Variants in CCDC150 observed in about 807,000 individuals in gnomAD.
CCDC150 encodes coiled-coil domain containing 150.
Under a neutral mutation model 156.5 loss-of-function variants are expected in CCDC150, and 151 were observed. That is an observed-to-expected ratio of 0.97 (90% CI 0.85 to 1.10). The LOEUF is 1.10. Among genes scored for constraint, CCDC150 ranks in the 50% least tolerant of loss-of-function variants. The pLI, the probability that CCDC150 is intolerant of heterozygous loss-of-function variation, is 0.00. For synonymous variants in CCDC150, 452 were observed against 429.4 expected (o/e 1.05, Z -0.65); for missense variants, 1,312 against 1,268.1 (o/e 1.03, Z -0.53).
chr2:196,654,956 C>T (rs899801522), intron 2 of CCDC150, among the ~76,000 whole-genome samples: 3 of 151,962 alleles, frequency 2.0e-5, no homozygotes, highest in Non-Finnish European at 4.4e-5. Context: ...TTTTGGTGGC[C>T]CCAGAAGGTT....
intron 15 of CCDC150, among the ~76,000 whole-genome samples, chr2:196,706,552 G>T (rs1478695372): frequency 6.6e-6 from 1 of 152,150 alleles, no homozygotes. Context: ...ATACTATGTT[G>T]AATAGGAGTG....
Position 196,656,846 on chromosome 2 carries a change from G to A in CCDC150, c.390G>A (p.Gln130=). ...AAACTGAAAAGGATTTGAATCCTCA[G>A]AAAACAGGTATAGAGATAAGAATCA... ...RLQTEKDLNP[Q]KTAFLKDRLN... is the part of the protein sequence containing the mutation. The change falls in exon 3 of 28, where the codon CAG becomes CAA. Residue 130 remains glutamine, a synonymous_variant. Coordinates refer to ENST00000389175, the MANE Select transcript of CCDC150 (RefSeq NM_001080539.2). 6.2e-7 allele frequency: 1 copy of A among 1,613,752 alleles called. No individual in the cohort carries two copies. Among genetic ancestry groups the A allele is most frequent in the Non-Finnish European group, 8.5e-7 (1 of 1,179,726 alleles).
intron 18 of CCDC150, 42 bp downstream of exon 18, chr2:196,718,673 A>G (rs1342715932): frequency 6.2e-7 from 1 of 1,603,930 alleles, no homozygotes; most frequent in Non-Finnish European, 8.5e-7. Flanking sequence ...ACTGAGAAGA[A>G]GCACTTATGA....
intron 14 of CCDC150, among the ~76,000 whole-genome samples, chr2:196,699,545 G>T (rs1396368357): frequency 6.6e-6 from 1 of 151,652 alleles, no homozygotes; most frequent in African/African-American, 2.4e-5. Flanking sequence ...TTGAAATGGG[G>T]GTCTTGCTCT....
chr2:196,691,442 G>C (rs1385243498), intron 13 of CCDC150, among the ~76,000 whole-genome samples: 4 of 152,116 alleles, frequency 2.6e-5, no homozygotes, highest in Non-Finnish European at 5.9e-5. Flanking sequence ...TCTTGGGAGG[G>C]TGTATATATC....
At chr2:196,720,135 T>C (rs1697793015) in intron 19 of CCDC150, 2 of 402,238 alleles carry the variant, frequency 5.0e-6, no homozygotes, top group Non-Finnish European at 1.0e-5. Flanking sequence ...TAAATTCCTT[T>C]ATAGAATGTT....
At chr2:196,642,854 G>A (rs1367593763) in intron 1 of CCDC150, among the ~76,000 whole-genome samples, 5 of 151,980 alleles carry the variant, frequency 3.3e-5, no homozygotes, top group African/African-American at 4.8e-5. Flanking sequence ...ATCCTCCTGC[G>A]TCAGCCTCCC....
intron 6 of CCDC150, 148 bp downstream of exon 6, chr2:196,665,831 C>T (rs1693812063): frequency 2.0e-6 from 1 of 504,280 alleles, no homozygotes; most frequent in Non-Finnish European, 3.5e-6. Context: ...AATCTTACTA[C>T]AGTTTTTTTT....
At chr2:196,697,307 T>G (rs1401580098) in intron 14 of CCDC150, among the ~76,000 whole-genome samples, 1 of 152,132 alleles carries the variant, frequency 6.6e-6, no homozygotes, top group Non-Finnish European at 1.5e-5. Context: ...GGGTTTTTTT[T>G]GTTGTTGTTG....
intron 2 of CCDC150, among the ~76,000 whole-genome samples, chr2:196,648,747 T>C (rs1692693174): frequency 6.6e-6 from 1 of 152,338 alleles, no homozygotes; most frequent in East Asian, 1.9e-4. Context: ...TCGTGTTTTC[T>C]TCTAGTAGTT....
intron 6 of CCDC150, 68 bp downstream of exon 6, chr2:196,665,751 TAAACTTA>T (rs1693808844): frequency 1.1e-6 from 1 of 890,232 alleles, no homozygotes; most frequent in African/African-American, 1.7e-5. Context: ...ATTTTACCTA[TAAACTTA>T]AAATTTTACT....
In CCDC150 at chr2:196,669,265, C is replaced by T. The variant is rs141343761; in HGVS notation, c.893-568C>T. On this transcript the variant is annotated intron_variant, in intron 7 of 27. Transcript: ENST00000389175. ...ACTTGTGTTTCACTCATTCTATCCC[C>T]GAAACCTGCTCCATGCTGTGTATTC... is the stretch of plus-strand genomic sequence containing the variant. Among the ~76,000 whole-genome samples the T allele has an allele frequency of 5.3e-3, 809 of 152,262 alleles. 4 individuals carry two copies. Among genetic ancestry groups the T allele is most frequent in the Non-Finnish European group, 9.6e-3 (655 of 68,012 alleles).
At chr2:196,710,811 A>G (rs1234260078) in intron 15 of CCDC150, among the ~76,000 whole-genome samples, 1 of 152,202 alleles carries the variant, frequency 6.6e-6, no homozygotes, top group Admixed American at 6.5e-5. Flanking sequence ...TAACTGTAGG[A>G]TAGAAGGAGA....
chr2:196,683,985 A>G (rs966993637), intron 13 of CCDC150, among the ~76,000 whole-genome samples: 6 of 151,960 alleles, frequency 3.9e-5, no homozygotes, highest in African/African-American at 1.2e-4. Flanking sequence ...ATTTTTCTCT[A>G]TCTTATTTCT....
At chr2:196,652,349 A>C (rs1692937201) in intron 2 of CCDC150, among the ~76,000 whole-genome samples, 1 of 152,246 alleles carries the variant, frequency 6.6e-6, no homozygotes, top group Admixed American at 6.5e-5. Context: ...TTTACTTCCA[A>C]GATACAATGT....
chr2:196,691,448 A>G (rs1054610216), intron 13 of CCDC150, among the ~76,000 whole-genome samples: 22 of 152,228 alleles, frequency 1.4e-4, no homozygotes, highest in African/African-American at 5.3e-4. Context: ...GAGGGTGTAT[A>G]TATCTAGGAA....
intron 8 of CCDC150, 56 bp from the exon 9 acceptor site, chr2:196,672,289 G>A (rs959391811): frequency 2.5e-6 from 2 of 784,766 alleles, no homozygotes; most frequent in South Asian, 5.4e-5. Context: ...TATTTTTATA[G>A]GGGTGCACAT....
chr2:196,666,841 T>G lies in CCDC150; in HGVS notation c.885T>G (p.Ser295=). ...AGATTGCTACTTCACAGCTCAAATC[T>G]GATCTAAGTATGAAAATAGATGCTA... ...ELEIATSQLK[S]DLTSRDDLIS... is the part of the protein sequence containing the mutation. The change falls in exon 7 of 28, where the codon TCT becomes TCG. Residue 295 remains serine, a synonymous_variant. Coordinates refer to ENST00000389175, the MANE Select transcript of CCDC150 (RefSeq NM_001080539.2). The G allele has an allele frequency of 6.2e-7, 1 of 1,613,534 alleles. No homozygotes were observed. Among genetic ancestry groups the G allele is most frequent in the Non-Finnish European group, 8.5e-7 (1 of 1,179,678 alleles).
At chr2:196,678,831 C>T (rs527586154) in intron 13 of CCDC150, among the ~76,000 whole-genome samples, 59 of 152,186 alleles carry the variant, frequency 3.9e-4, no homozygotes, top group African/African-American at 1.4e-3. Flanking sequence ...GCTTGAACCT[C>T]GTAGGTGGAG....
Sources: allele counts gnomAD v4.1 joint callset (sites outside exome capture counted in the v4.1 genomes callset), GRCh38; gene constraint gnomAD v4.1.1; transcripts MANE v1.5; gene names NCBI Gene and HGNC (gene_info 2026-07-23, HGNC 2026-07-21).